ADAMTS19: variants seen among roughly 807,000 people sequenced by gnomAD.
ADAMTS19 encodes the protein ADAM metallopeptidase with thrombospondin type 1 motif 19, also known as A disintegrin and metalloproteinase with thrombospondin motifs 19.
ADAMTS19 carries 93 observed loss-of-function variants against 153.3 expected under a neutral mutation model. The observed-to-expected ratio is 0.61, with a 90% confidence interval of 0.51 to 0.72. The LOEUF is 0.72. ADAMTS19 is among the 30% of genes least tolerant of loss of function. The pLI, the probability that ADAMTS19 is intolerant of heterozygous loss-of-function variation, is 0.00. For synonymous variants in ADAMTS19, 600 were observed against 556.6 expected, an observed-to-expected ratio of 1.08 and a Z score of -1.10; for missense variants, 1,482 against 1,552.1, an observed-to-expected ratio of 0.95 and a Z score of 0.76.
In ADAMTS19 at chr5:129,596,642, A is replaced by G. The variant is rs1221158380; in HGVS notation, c.1456A>G (p.Ile486Val). Residue 486 changes from isoleucine (I) to valine (V), a missense_variant, in exon 8 of 23, where the codon ATT becomes GTT. Physicochemically the swap from Ile to Val is conservative, Grantham distance 29. Coordinates refer to ENST00000274487, the MANE Select transcript of ADAMTS19 (RefSeq NM_133638.6). ...CAATGGCTTGAATCTTGCTTTTACAATTGCTCATGAAATGGGTCACAAGTA... is the reference window on the plus strand; with the variant it reads ...CAATGGCTTGAATCTTGCTTTTACAGTTGCTCATGAAATGGGTCACAAGTA... The part of the protein sequence containing the change: ...EDNGLNLAFT[I>V]AHEMGHNMGI... 5.0e-6 allele frequency: 8 copies of G among 1,606,308 alleles called. No homozygotes were observed. Among genetic ancestry groups the G allele is most frequent in the Admixed American group, 1.7e-5 (1 of 58,780 alleles).
chr5:129,650,436 C>T (rs1753267131), intron 13 of ADAMTS19, among the ~76,000 whole-genome samples: 1 of 152,132 alleles, frequency 6.6e-6, no homozygotes, highest in African/African-American at 2.4e-5. Flanking sequence ...CATACAAGCA[C>T]TAATGGAAAC....
At chr5:129,661,643 CT>C (rs1233986154) in intron 15 of ADAMTS19, among the ~76,000 whole-genome samples, 8 of 151,992 alleles carry the variant, frequency 5.3e-5, no homozygotes, top group Non-Finnish European at 8.8e-5. Context: ...GAAGCGTTTT[CT>C]TTTTTTTCCT....
chr5:129,555,172 G>A (rs961523930), intron 7 of ADAMTS19, among the ~76,000 whole-genome samples: 1 of 151,974 alleles, frequency 6.6e-6, no homozygotes, highest in African/African-American at 2.4e-5. Context: ...GTATTTATTA[G>A]TTTGGATCAT....
intron 8 of ADAMTS19, among the ~76,000 whole-genome samples, chr5:129,614,470 T>A (rs1191229636): frequency 6.6e-6 from 1 of 152,098 alleles, no homozygotes; most frequent in African/African-American, 2.4e-5. Context: ...AAAAGGCCTG[T>A]GACAAAATTC....
At chr5:129,634,608 A>G (rs1198992645) in intron 10 of ADAMTS19, among the ~76,000 whole-genome samples, 11 of 152,136 alleles carry the variant, frequency 7.2e-5, no homozygotes, top group Admixed American at 7.2e-4. Context: ...CAGAAGGGAA[A>G]ACCCAGAAAC....
chr5:129,634,891 AAGAG>A (rs58216053), intron 10 of ADAMTS19, among the ~76,000 whole-genome samples: 27 of 150,160 alleles, frequency 1.8e-4, no homozygotes, highest in Admixed American at 2.0e-4. Context: ...AGCAAAATAA[AAGAG>A]AGAGAGAGAG....
chr5:129,626,942 A>T (rs1752078851), intron 10 of ADAMTS19, among the ~76,000 whole-genome samples: 1 of 152,122 alleles, frequency 6.6e-6, no homozygotes, highest in African/African-American at 2.4e-5. Context: ...TTTCCTAGAA[A>T]GGTGACATTT....
At chr5:129,530,361 T>A (rs547073856) in intron 6 of ADAMTS19, among the ~76,000 whole-genome samples, 146 of 152,256 alleles carry the variant, frequency 9.6e-4, no homozygotes, top group African/African-American at 3.4e-3. Flanking sequence ...GGCAAAAATT[T>A]CTGCAAATTT....
At chr5:129,484,006 TAA>T (rs1183447511) in intron 2 of ADAMTS19, among the ~76,000 whole-genome samples, 2 of 152,312 alleles carry the variant, frequency 1.3e-5, no homozygotes, top group Admixed American at 6.5e-5. Context: ...TAACTGTAGT[TAA>T]GAGTGCCTTT....
chr5:129,628,965 C>T (rs1310904975), intron 10 of ADAMTS19, among the ~76,000 whole-genome samples: 2 of 152,026 alleles, frequency 1.3e-5, no homozygotes, highest in Non-Finnish European at 2.9e-5. Context: ...AATGTATTCC[C>T]ATCATTAAGC....
Position 129,595,161 on chromosome 5 carries a change from A to G in ADAMTS19, c.1373-1398A>G, listed in dbSNP as rs1401279469. Among the ~76,000 whole-genome samples, 3 of 152,142 alleles carry G rather than the reference A, an allele frequency of 2.0e-5. No individual in the cohort carries two copies. The East Asian group carries it at 5.8e-4, about 29-fold the overall frequency. On this transcript the variant is annotated intron_variant, in intron 7 of 22. Transcript: ENST00000274487. The stretch of plus-strand genomic sequence containing the variant: ...CTACTTTCCTGATAGGCCTGTGGAT[A>G]CCAGGCCTTGACATTCTGCGTGAAG...
At chr5:129,572,554 G>T (rs1259142976) in intron 7 of ADAMTS19, among the ~76,000 whole-genome samples, 1 of 151,948 alleles carries the variant, frequency 6.6e-6, no homozygotes, top group Non-Finnish European at 1.5e-5. Context: ...TAAACAATCT[G>T]TGGTACATCC....
At chr5:129,528,326 A>G (rs1752086243) in intron 5 of ADAMTS19, among the ~76,000 whole-genome samples, 194 bp from the exon 6 acceptor site, 1 of 152,030 alleles carries the variant, frequency 6.6e-6, no homozygotes, top group South Asian at 2.1e-4. Context: ...TTTTGTAATT[A>G]TTACACCTTC....
chr5:129,472,189 G>A (rs550190881), intron 2 of ADAMTS19, among the ~76,000 whole-genome samples: 33 of 152,286 alleles, frequency 2.2e-4, no homozygotes, highest in African/African-American at 7.5e-4. Flanking sequence ...ATAAGCATTC[G>A]TTTTTCTCTG....
intron 17 of ADAMTS19, among the ~76,000 whole-genome samples, chr5:129,681,355 T>C (rs30643): frequency 0.15 from 22,351 of 152,136 alleles, 1,813 homozygotes; most frequent in East Asian, 0.3. Flanking sequence ...GCAATTAATA[T>C]GCTTTACCAA....
intron 16 of ADAMTS19, among the ~76,000 whole-genome samples, chr5:129,675,406 A>G (rs1366667512): frequency 1.3e-5 from 2 of 152,116 alleles, no homozygotes; most frequent in Non-Finnish European, 2.9e-5. Flanking sequence ...GGTATTTCCC[A>G]TGGGACAGTT....
intron 7 of ADAMTS19, among the ~76,000 whole-genome samples, chr5:129,555,591 T>C (rs1753285061): frequency 6.6e-6 from 1 of 152,132 alleles, no homozygotes; most frequent in Non-Finnish European, 1.5e-5. Context: ...GGCTACATCT[T>C]CTATCTCACA....
intron 18 of ADAMTS19, among the ~76,000 whole-genome samples, chr5:129,693,943 C>T (rs1015904152): frequency 1.3e-5 from 2 of 152,074 alleles, no homozygotes; most frequent in African/African-American, 2.4e-5. Flanking sequence ...TTGAGTTATA[C>T]TCAAAACAAA....
intron 18 of ADAMTS19, among the ~76,000 whole-genome samples, chr5:129,686,583 A>C (rs1325243841): frequency 6.6e-6 from 1 of 152,044 alleles, no homozygotes; most frequent in Non-Finnish European, 1.5e-5. Flanking sequence ...TGATCAAAAC[A>C]ATGGTCACCC....
Sources: allele counts gnomAD v4.1 joint callset (sites outside exome capture counted in the v4.1 genomes callset), GRCh38; gene constraint gnomAD v4.1.1; transcripts MANE v1.5; gene names NCBI Gene and HGNC (gene_info 2026-07-23, HGNC 2026-07-21).